Variants in GPR158 observed in about 807,000 individuals in gnomAD.
GPR158 encodes the protein metabotropic glycine receptor.
In GPR158, 30 loss-of-function variants were observed where a neutral mutation model predicts 78.2. The ratio of observed to expected loss-of-function variants is 0.38; its 90% confidence interval spans 0.29 to 0.52. The LOEUF (loss-of-function observed/expected upper bound fraction) is 0.52. Among genes scored for constraint, GPR158 ranks in the 20% least tolerant of loss-of-function variants. The pLI is 0.83. For synonymous variants in GPR158, 581 were observed against 591.1 expected, an observed-to-expected ratio of 0.98 and a Z score of 0.25; for missense variants, 1,463 against 1,523.5, an observed-to-expected ratio of 0.96 and a Z score of 0.66.
In GPR158 at chr10:25,259,652, T is replaced by C. The variant is rs778472874; in HGVS notation, c.1008+38495T>C. 5.9e-5 allele frequency among the ~76,000 whole-genome samples: 9 copies of C among 152,178 alleles called. No individual in the cohort carries two copies. In the East Asian group the frequency reaches 9.6e-4, roughly 16 times the overall value. On this transcript the variant is annotated intron_variant, in intron 2 of 10. Coordinates refer to ENST00000376351, the MANE Select transcript of GPR158 (RefSeq NM_020752.3). Reference sequence around the variant, plus strand: ...GTTCCATAAAAACTCCACTTCGAATTTGATTGAATTGTGTTATATCCATAT... The same window carrying C: ...GTTCCATAAAAACTCCACTTCGAATCTGATTGAATTGTGTTATATCCATAT...
At position 25,359,803 on chromosome 10, in the gene GPR158, T is replaced by C. The variant is rs187232575; in HGVS notation, c.1009-36108T>C. Among the ~76,000 whole-genome samples the C allele has an allele frequency of 4.1e-4, 63 of 152,302 alleles. 1 individual carries two copies. Among genetic ancestry groups the C allele is most frequent in the African/African-American group, 1.4e-3 (59 of 41,574 alleles). The stretch of plus-strand genomic sequence containing the variant: ...GTAATGGGATGGCTGGGTCAAATGG[T>C]ATTTCTGGTTCTAAATTCTTGAGGA... On this transcript the variant is annotated intron_variant, in intron 2 of 10. Coordinates refer to ENST00000376351, the MANE Select transcript of GPR158 (RefSeq NM_020752.3).
chr10:25,535,952 T>C (rs532056988), intron 5 of GPR158, among the ~76,000 whole-genome samples: 9 of 152,348 alleles, frequency 5.9e-5, no homozygotes, highest in African/African-American at 1.9e-4. Flanking sequence ...TCCATTGTTT[T>C]GTACTGTTTT....
At chr10:25,261,973 A>G (rs1181646234) in intron 2 of GPR158, among the ~76,000 whole-genome samples, 1 of 152,114 alleles carries the variant, frequency 6.6e-6, no homozygotes, top group Non-Finnish European at 1.5e-5. Context: ...AATACATGAC[A>G]TAATTATAAA....
intron 1 of GPR158, among the ~76,000 whole-genome samples, chr10:25,195,860 T>G (rs1852837130): frequency 6.6e-6 from 1 of 152,246 alleles, no homozygotes; most frequent in Admixed American, 6.5e-5. Context: ...CAAAGTCATT[T>G]TGCCCTCAGA....
At chr10:25,585,328 A>G (rs1837253396) in intron 7 of GPR158, among the ~76,000 whole-genome samples, 1 of 152,224 alleles carries the variant, frequency 6.6e-6, no homozygotes, top group Non-Finnish European at 1.5e-5. Flanking sequence ...TTGTCCCAGT[A>G]CTGTTGCTAC....
rs141471900 is a variant in GPR158, at chr10:25,440,508, G to A, written c.1336-26143G>A. On this transcript the variant is annotated intron_variant, in intron 4 of 10. Transcript: ENST00000376351. Reference sequence around the variant, plus strand: ...GCCTAAGAAATACATCTGACAGGGAGATACTTGTTGCATTTGGAAAAAGGC... The same window carrying A: ...GCCTAAGAAATACATCTGACAGGGAAATACTTGTTGCATTTGGAAAAAGGC... Among the ~76,000 whole-genome samples, 982 of 152,292 alleles carry A rather than the reference G, an allele frequency of 6.4e-3. 4 individuals are homozygous for A. The highest frequency in any genetic ancestry group is 0.01 in the Non-Finnish European group (700 of 68,018).
chr10:25,523,532 AAAATCAGAC>A (rs1318015124), intron 5 of GPR158, among the ~76,000 whole-genome samples: 1 of 152,220 alleles, frequency 6.6e-6, no homozygotes, highest in East Asian at 1.9e-4. Flanking sequence ...TTGGGCCTGA[AAAATCAGAC>A]ATAGGTTTTG....
In GPR158 at chr10:25,598,731, A is replaced by C; in HGVS notation, c.3105A>C (p.Glu1035Asp). The change falls in exon 11 of 11, where the codon GAA becomes GAC. Residue 1035 changes from glutamate to aspartate, a missense_variant. Glu to Asp is a conservative substitution (Grantham distance 45). Transcript: ENST00000376351. ...VQKHVSIVAS[E>D]MEKNPTFSLK... ...AGCACGTATCTATTGTGGCTTCTGA[A>C]ATGGAGAAAAACCCCACTTTTTCCT... is the stretch of plus-strand genomic sequence containing the variant. 1 of 1,614,050 alleles carries C rather than the reference A, an allele frequency of 6.2e-7. No homozygotes were observed. The highest frequency in any genetic ancestry group is 8.5e-7 in the Non-Finnish European group (1 of 1,179,998).
At chr10:25,199,410 A>T (rs546697743) in intron 1 of GPR158, among the ~76,000 whole-genome samples, 5 of 152,068 alleles carry the variant, frequency 3.3e-5, no homozygotes, top group Non-Finnish European at 7.4e-5. Flanking sequence ...AATATGCATT[A>T]TTTGGTCTTC....
chr10:25,376,599 T>C (rs946555977), intron 2 of GPR158, among the ~76,000 whole-genome samples: 1 of 151,732 alleles, frequency 6.6e-6, no homozygotes, highest in African/African-American at 2.4e-5. Flanking sequence ...TTTTATTCCC[T>C]TTTGCAGCTT....
At chr10:25,581,760 T>C (rs1485858838) in intron 7 of GPR158, among the ~76,000 whole-genome samples, 1 of 152,118 alleles carries the variant, frequency 6.6e-6, no homozygotes, top group Non-Finnish European at 1.5e-5. Flanking sequence ...AGATCAAAAA[T>C]CAGACACTTT....
chr10:25,591,471 A>G (rs1407754361), intron 8 of GPR158, among the ~76,000 whole-genome samples: 1 of 152,124 alleles, frequency 6.6e-6, no homozygotes, highest in Non-Finnish European at 1.5e-5. Context: ...CAGAATAATC[A>G]CATGAACATG....
chr10:25,499,546 A>G (rs1210151310), intron 5 of GPR158, among the ~76,000 whole-genome samples: 1 of 152,246 alleles, frequency 6.6e-6, no homozygotes, highest in African/African-American at 2.4e-5. Flanking sequence ...TTAACAAGAG[A>G]CAAGACTCTT....
chr10:25,550,491 G>A (rs572123381), intron 5 of GPR158, among the ~76,000 whole-genome samples: 6 of 152,198 alleles, frequency 3.9e-5, no homozygotes, highest in Non-Finnish European at 8.8e-5. Context: ...CGGCTCTGGG[G>A]GGAGAATGGC....
intron 6 of GPR158, among the ~76,000 whole-genome samples, chr10:25,563,295 A>G (rs1225772712): frequency 1.3e-5 from 2 of 152,124 alleles, no homozygotes; most frequent in Non-Finnish European, 2.9e-5. Context: ...TTATTTACAT[A>G]GAATATCATT....
chr10:25,400,461 G>A (rs984174497), intron 3 of GPR158, among the ~76,000 whole-genome samples: 1 of 152,266 alleles, frequency 6.6e-6, no homozygotes. Flanking sequence ...GACTCGTGAA[G>A]ACCAACAGAA....
chr10:25,453,425 G>A lies in GPR158; in HGVS notation c.1336-13226G>A, dbSNP rs558559794. Among the ~76,000 whole-genome samples, 5 of 152,132 alleles carry A rather than the reference G, an allele frequency of 3.3e-5. No individual in the cohort carries two copies. In the South Asian group the frequency reaches 1.0e-3, roughly 32 times the overall value. ...TTTTTGATAATAGCCATTCTAACAG[G>A]TGTGAGGTGACATCTTATGGTAGTT... On this transcript the variant is annotated intron_variant, in intron 4 of 10. Coordinates refer to ENST00000376351, the MANE Select transcript of GPR158 (RefSeq NM_020752.3).
At chr10:25,459,559 G>C (rs1330900781) in intron 4 of GPR158, among the ~76,000 whole-genome samples, 2 of 152,130 alleles carry the variant, frequency 1.3e-5, no homozygotes, top group Non-Finnish European at 2.9e-5. Flanking sequence ...GGCTAAAAAT[G>C]CTTAAAAAAT....
chr10:25,306,568 T>C (rs1180638575), intron 2 of GPR158, among the ~76,000 whole-genome samples: 1 of 152,214 alleles, frequency 6.6e-6, no homozygotes, highest in Admixed American at 6.5e-5. Flanking sequence ...CATGTATGTA[T>C]ATGCACATGC....
Sources: allele counts gnomAD v4.1 joint callset (sites outside exome capture counted in the v4.1 genomes callset), GRCh38; gene constraint gnomAD v4.1.1; transcripts MANE v1.5; gene names NCBI Gene and HGNC (gene_info 2026-07-23, HGNC 2026-07-21).